Variants in RBMS3 observed in about 807,000 individuals in gnomAD.
The protein encoded by RBMS3 is RNA binding motif single stranded interacting protein 3.
RBMS3 carries 27 observed loss-of-function variants against 66.8 expected under a neutral mutation model. The ratio of observed to expected loss-of-function variants is 0.40; its 90% confidence interval spans 0.30 to 0.56. The LOEUF is 0.56. Among genes scored for constraint, RBMS3 ranks in the 20% least tolerant of loss-of-function variants. RBMS3 has a pLI of 0.40. For missense variants in RBMS3, 513 were observed against 549.5 expected (o/e 0.93, Z 0.66); for synonymous variants, 188 against 183.0 (o/e 1.03, Z -0.22).
chr3:29,877,575 C>T (rs1465321331), intron 7 of RBMS3, among the ~76,000 whole-genome samples: 1 of 152,126 alleles, frequency 6.6e-6, no homozygotes, highest in Non-Finnish European at 1.5e-5. Flanking sequence ...TTGGGAATTT[C>T]CCTATTTATG....
At chr3:29,892,843 G>GTATTTATTTATT (rs371501719) in intron 8 of RBMS3, among the ~76,000 whole-genome samples, 5,286 of 137,390 alleles carry the variant, frequency 0.038, 191 homozygotes, top group African/African-American at 0.086. Context: ...ATGTATGTAT[G>GTATTTATTTATT]TATTTATTTA....
intron 6 of RBMS3, among the ~76,000 whole-genome samples, chr3:29,835,531 C>T (rs150481548): frequency 2.6e-5 from 4 of 151,610 alleles, no homozygotes; most frequent in African/African-American, 9.7e-5. Flanking sequence ...TTCTGAAAAA[C>T]CAATGGGTCA....
At chr3:29,992,302 T>C (rs547184228) in intron 14 of RBMS3, among the ~76,000 whole-genome samples, 2 of 152,278 alleles carry the variant, frequency 1.3e-5, no homozygotes, top group African/African-American at 4.8e-5. Flanking sequence ...ACCATAGGTA[T>C]TAGGCCGGGC....
intron 6 of RBMS3, among the ~76,000 whole-genome samples, chr3:29,861,123 A>G (rs900144607): frequency 2.0e-5 from 3 of 152,196 alleles, no homozygotes; most frequent in East Asian, 3.8e-4. Flanking sequence ...CATTTTTTCA[A>G]TTGAGAAATA....
chr3:29,987,144 T>C (rs567231468), intron 12 of RBMS3, among the ~76,000 whole-genome samples: 1 of 152,302 alleles, frequency 6.6e-6, no homozygotes, highest in East Asian at 1.9e-4. Context: ...GAGCTTTTGA[T>C]TTGCCACAAA....
intron 1 of RBMS3, among the ~76,000 whole-genome samples, chr3:29,402,882 C>G (rs1176109902): frequency 6.6e-6 from 1 of 151,734 alleles, no homozygotes; most frequent in Non-Finnish European, 1.5e-5. Context: ...AGTTTATGGA[C>G]ACAAAATAAC....
Position 30,008,113 on chromosome 3 carries a change from G to T in RBMS3, c.*4251G>T, listed in dbSNP as rs532672620. The T allele has an allele frequency of 6.6e-6, 1 of 151,268 alleles. No homozygotes were observed. Among genetic ancestry groups the T allele is most frequent in the African/African-American group, 2.4e-5 (1 of 40,928 alleles). The allele number at this position is 151,268 out of a possible 1,614,324, so 9.4% of individuals were successfully genotyped here. A position where few individuals can be genotyped will look rare whatever the true frequency, so the allele number is the denominator to read the frequency against. On this transcript the variant is annotated 3_prime_UTR_variant, in exon 15 of 15. Transcript: ENST00000383767. ...AAAACCTCTTTATTTAAATAATTGGGATATTTGCTAAATACCTATTTTTTT... is the reference window on the plus strand; with the variant it reads ...AAAACCTCTTTATTTAAATAATTGGTATATTTGCTAAATACCTATTTTTTT...
At chr3:29,348,215 A>G (rs2036693557) in intron 1 of RBMS3, among the ~76,000 whole-genome samples, 1 of 152,176 alleles carries the variant, frequency 6.6e-6, no homozygotes, top group Non-Finnish European at 1.5e-5. Flanking sequence ...TTTCCTCAGT[A>G]TTCTTGTTTT....
chr3:29,609,984 T>C (rs1361084812), intron 4 of RBMS3, among the ~76,000 whole-genome samples: 1 of 152,096 alleles, frequency 6.6e-6, no homozygotes, highest in East Asian at 1.9e-4. Flanking sequence ...CCTATTTGCA[T>C]GTATGCTGCT....
intron 7 of RBMS3, among the ~76,000 whole-genome samples, chr3:29,875,256 A>G (rs112096095): frequency 2.0e-5 from 3 of 152,166 alleles, no homozygotes; most frequent in African/African-American, 7.2e-5. Context: ...ACCTCCAGGT[A>G]ACATCAAACT....
chr3:29,744,133 G>T (rs973867037), intron 5 of RBMS3, among the ~76,000 whole-genome samples: 3 of 151,940 alleles, frequency 2.0e-5, no homozygotes, highest in African/African-American at 4.8e-5. Context: ...GTTGATTCCT[G>T]TTGATGCCTG....
chr3:29,434,663 C>T lies in RBMS3; in HGVS notation c.76-80C>T. ...TGTATTGGAGAAGACGCATAGCTTA[C>T]ATTGATTTCAAGTTGTGCTGCTGGC... On this transcript the variant is annotated intron_variant, in intron 1 of 14. Coordinates refer to ENST00000383767, the MANE Select transcript of RBMS3 (RefSeq NM_001003793.3). 2.6e-6 allele frequency: 4 copies of T among 1,539,106 alleles called. No individual in the cohort carries two copies. The South Asian group carries it at 3.8e-5, about 15-fold the overall frequency.
Position 29,332,090 on chromosome 3 carries a change from G to C in RBMS3, c.75+50334G>C, listed in dbSNP as rs538236454. ...TGATGAAAGGACTCAAGTATACCTA[G>C]GTTTGTGATAACAGTCTTTGTGACT... is the stretch of plus-strand genomic sequence containing the variant. On this transcript the variant is annotated intron_variant, in intron 1 of 14. Transcript: ENST00000383767. Among the ~76,000 whole-genome samples the C allele has an allele frequency of 9.9e-5, 15 of 151,886 alleles. No individual in the cohort carries two copies. In the South Asian group the frequency reaches 3.1e-3, roughly 32 times the overall value.
intron 2 of RBMS3, among the ~76,000 whole-genome samples, chr3:29,466,065 G>C (rs1349719135): frequency 2.6e-5 from 4 of 151,676 alleles, no homozygotes; most frequent in African/African-American, 9.7e-5. Flanking sequence ...GTTTCTCTGT[G>C]GTCATTCTGG....
intron 1 of RBMS3, among the ~76,000 whole-genome samples, chr3:29,295,367 A>G (rs1282857965): frequency 6.8e-6 from 1 of 146,286 alleles, no homozygotes; most frequent in Non-Finnish European, 1.5e-5. Flanking sequence ...ACACACACAT[A>G]TATATATATA....
intron 1 of RBMS3, among the ~76,000 whole-genome samples, chr3:29,330,146 A>T (rs981857333): frequency 3.9e-5 from 6 of 152,066 alleles, no homozygotes; most frequent in African/African-American, 1.2e-4. Flanking sequence ...GACAAAACAG[A>T]TCTAACACTT....
intron 3 of RBMS3, among the ~76,000 whole-genome samples, chr3:29,514,774 G>A (rs982523423): frequency 1.4e-5 from 2 of 145,622 alleles, no homozygotes; most frequent in East Asian, 2.0e-4. Flanking sequence ...TATACGATAG[G>A]CATATATATA....
At chr3:29,841,894 A>C (rs2058670662) in intron 6 of RBMS3, among the ~76,000 whole-genome samples, 1 of 152,114 alleles carries the variant, frequency 6.6e-6, no homozygotes, top group Non-Finnish European at 1.5e-5. Context: ...GAAGAGACAC[A>C]ATCTGAAAAC....
chr3:29,447,091 T>G (rs866391474), intron 2 of RBMS3, among the ~76,000 whole-genome samples: 4 of 151,978 alleles, frequency 2.6e-5, no homozygotes, highest in Non-Finnish European at 5.9e-5. Context: ...TTTTGTATTT[T>G]TTGTAAAGAC....
Sources: allele counts gnomAD v4.1 joint callset (sites outside exome capture counted in the v4.1 genomes callset), GRCh38; gene constraint gnomAD v4.1.1; transcripts MANE v1.5; gene names NCBI Gene and HGNC (gene_info 2026-07-23, HGNC 2026-07-21).